Variants in LPXN observed in about 807,000 individuals in gnomAD.
LPXN encodes the protein leupaxin.
In LPXN, 28 loss-of-function variants were observed where a neutral mutation model predicts 45.6. The ratio of observed to expected loss-of-function variants is 0.61; its 90% CI spans 0.45 to 0.84. LPXN has a LOEUF of 0.84. Among genes scored for constraint, LPXN ranks in the 40% least tolerant of loss-of-function variants. LPXN has a pLI of 0.00. For synonymous variants in LPXN, 166 were observed against 169.9 expected, an observed-to-expected ratio of 0.98 and a Z score of 0.18; for missense variants, 459 against 475.0, an observed-to-expected ratio of 0.97 and a Z score of 0.31.
intron 1 of LPXN, among the ~76,000 whole-genome samples, chr11:58,574,059 T>G (rs1854800814): frequency 6.6e-6 from 1 of 151,970 alleles, no homozygotes; most frequent in Non-Finnish European, 1.5e-5. Flanking sequence ...GGAAGAAAGA[T>G]CCACACCAAG....
At chr11:58,533,234 G>A (rs1043956047) in intron 7 of LPXN, among the ~76,000 whole-genome samples, 5 of 151,960 alleles carry the variant, frequency 3.3e-5, no homozygotes, top group African/African-American at 1.2e-4. Context: ...CACCAATTTC[G>A]GACACAAAAT....
chr11:58,569,946 A>G (rs1379320097), intron 2 of LPXN, among the ~76,000 whole-genome samples: 3 of 152,204 alleles, frequency 2.0e-5, no homozygotes, highest in Middle Eastern at 3.4e-3. Flanking sequence ...ATGCCCCCAC[A>G]GTAACATCAG....
At position 58,527,719 on chromosome 11, in the gene LPXN, C is replaced by A; in HGVS notation, c.896G>T (p.Cys299Phe). 6.2e-7 allele frequency: 1 copy of A among 1,613,800 alleles called. No homozygotes were observed. Among genetic ancestry groups the A allele is most frequent in the Non-Finnish European group, 8.5e-7 (1 of 1,179,844 alleles). ...GGAGCCAGTAGAAAAACTGGTGAAG[C>A]AGTCCTGGGGTAGAGAGAAGAGAGA... ...WHPECFVCGD[C>F]FTSFSTGSFF... The change falls in exon 9 of 9, where the codon TGC (cysteine) becomes TTC (phenylalanine). Residue 299 changes from cysteine (C) to phenylalanine (F), a missense_variant. Cys to Phe is a radical substitution (Grantham distance 205). Transcript: ENST00000395074.
At chr11:58,558,839 G>C (rs935707498) in intron 3 of LPXN, among the ~76,000 whole-genome samples, 10 of 150,070 alleles carry the variant, frequency 6.7e-5, no homozygotes, top group Non-Finnish European at 1.2e-4. Flanking sequence ...GAAAAATGAA[G>C]AATATATTTT....
At chr11:58,554,618 T>C (rs1397414415) in intron 4 of LPXN, 1 of 392,164 alleles carries the variant, frequency 2.5e-6, no homozygotes, top group African/African-American at 2.1e-5. Flanking sequence ...GATCAAAGTC[T>C]GTATTATATA....
At chr11:58,560,722 G>A (rs72919756) in intron 3 of LPXN, among the ~76,000 whole-genome samples, 68 of 152,296 alleles carry the variant, frequency 4.5e-4, no homozygotes, top group Non-Finnish European at 7.6e-4. Context: ...GGGGCTTAGA[G>A]AAGTTAAAAA....
intron 4 of LPXN, among the ~76,000 whole-genome samples, chr11:58,554,453 A>G (rs974080140): frequency 2.6e-5 from 4 of 152,146 alleles, no homozygotes; most frequent in African/African-American, 9.7e-5. Flanking sequence ...CCAGTTCTTC[A>G]GAGTCCATCC....
chr11:58,559,862 A>G (rs1030033462), intron 3 of LPXN, among the ~76,000 whole-genome samples: 1 of 152,188 alleles, frequency 6.6e-6, no homozygotes, highest in Non-Finnish European at 1.5e-5. Context: ...GGCAATAGAG[A>G]CAGACCCTAT....
At chr11:58,540,975 T>C (rs1853700422) in intron 7 of LPXN, among the ~76,000 whole-genome samples, 1 of 152,162 alleles carries the variant, frequency 6.6e-6, no homozygotes, top group Non-Finnish European at 1.5e-5. Context: ...CTGGGAAAAC[T>C]GGCTAGTCAT....
intron 1 of LPXN, among the ~76,000 whole-genome samples, chr11:58,572,615 ATTAATT>A (rs1854741951): frequency 6.6e-6 from 1 of 152,142 alleles, no homozygotes; most frequent in Non-Finnish European, 1.5e-5. Context: ...ATTTAATAAT[ATTAATT>A]AATTCTGTTA....
intron 1 of LPXN, among the ~76,000 whole-genome samples, chr11:58,575,488 CAATCCAGTCCA>C (rs1475975735): frequency 6.6e-6 from 1 of 152,218 alleles, no homozygotes; most frequent in African/African-American, 2.4e-5. Flanking sequence ...ACTGCAGTAA[CAATCCAGTCCA>C]AAAGTATTTG....
chr11:58,575,857 G>C, upstream of LPXN: 3 of 1,613,812 alleles, frequency 1.9e-6, no homozygotes, highest in Non-Finnish European at 2.5e-6. Context: ...CAAAGGAACT[G>C]GATGAGACAG....
upstream of LPXN, among the ~76,000 whole-genome samples, chr11:58,577,781 C>A (rs1854947160): frequency 6.6e-6 from 1 of 151,742 alleles, no homozygotes; most frequent in South Asian, 2.1e-4. Context: ...ATGTCACGCT[C>A]ACAACCCTTT....
chr11:58,562,160 TTTTG>T (rs755060916), intron 3 of LPXN, among the ~76,000 whole-genome samples: 3 of 152,230 alleles, frequency 2.0e-5, no homozygotes, highest in African/African-American at 4.8e-5. Context: ...CCAGAATTAT[TTTTG>T]TTTATGTAAA....
At position 58,551,197 on chromosome 11, in the gene LPXN, T is replaced by A. The variant is rs776656551; in HGVS notation, c.354A>T (p.Leu118Phe). The change falls in exon 5 of 9, where the codon TTA becomes TTT. Residue 118 changes from leucine to phenylalanine, a missense_variant. Coordinates refer to ENST00000395074, the MANE Select transcript of LPXN (RefSeq NM_004811.3). ...AVRADAGKKHLPDKQDHKASL... is the reference protein window; with the variant it reads ...AVRADAGKKHFPDKQDHKASL... ...AGGCCTTGTGATCCTGCTTGTCTGG[T>A]AAGTGCTTCTTGCCAGCATCTGCTC... The A allele has an allele frequency of 4.3e-6, 7 of 1,611,110 alleles. No homozygotes were observed. In the Admixed American group the frequency reaches 1.2e-4, roughly 27 times the overall value.
At chr11:58,577,931 T>C, upstream of LPXN, 1 of 1,467,790 alleles carries the variant, frequency 6.8e-7, no homozygotes, top group Non-Finnish European at 9.2e-7. Context: ...TAGTGGGCCT[T>C]GTGCTAGGGC....
intron 4 of LPXN, among the ~76,000 whole-genome samples, chr11:58,553,490 G>A (rs1185464513): frequency 6.6e-6 from 1 of 152,046 alleles, no homozygotes; most frequent in Non-Finnish European, 1.5e-5. Flanking sequence ...AATCTACCCA[G>A]CTTTATTGTA....
At chr11:58,571,536 G>A (rs1854699302) in intron 1 of LPXN, among the ~76,000 whole-genome samples, 1 of 151,832 alleles carries the variant, frequency 6.6e-6, no homozygotes, top group East Asian at 1.9e-4. Flanking sequence ...TCAAAGCAAG[G>A]TATAAGTATC....
At chr11:58,528,987 T>A (rs2120167340) in intron 7 of LPXN, among the ~76,000 whole-genome samples, 1 of 152,322 alleles carries the variant, frequency 6.6e-6, no homozygotes, top group African/African-American at 2.4e-5. Context: ...CTATACAATG[T>A]TATCTCATGG....
Sources: gnomAD v4.1 joint callset for allele counts (sites outside exome capture counted in the v4.1 genomes callset) on GRCh38, gnomAD v4.1.1 for gene constraint, MANE v1.5 for transcripts, NCBI Gene and HGNC (gene_info 2026-07-23, HGNC 2026-07-21) for gene names.